CADM2: variants seen among roughly 807,000 people sequenced by gnomAD.
CADM2 encodes the protein cell adhesion molecule 2, also known as immunoglobulin superfamily member 4D.
In CADM2, 12 loss-of-function variants were observed where a neutral mutation model predicts 49.8. That is an observed-to-expected ratio of 0.24 (90% CI 0.15 to 0.39). The LOEUF (loss-of-function observed/expected upper bound fraction) is 0.39. Among genes scored for constraint, CADM2 ranks in the 10% least tolerant of loss-of-function variants. The probability of loss-of-function intolerance (pLI) is 1.00; values close to 1 mark genes in which losing one functional copy is unlikely to be tolerated. For synonymous variants in CADM2, 214 were observed against 175.4 expected (o/e 1.22, Z -1.74); for missense variants, 378 against 492.3 (o/e 0.77, Z 2.20).
chr3:85,492,605 A>G (rs1272861297), intron 1 of CADM2, among the ~76,000 whole-genome samples: 1 of 152,172 alleles, frequency 6.6e-6, no homozygotes, highest in African/African-American at 2.4e-5. Context: ...ATGAATAAAT[A>G]AAAATAAAAG....
intron 1 of CADM2, among the ~76,000 whole-genome samples, chr3:85,073,118 CAGAT>C (rs1171662554): frequency 6.6e-6 from 1 of 152,062 alleles, no homozygotes; most frequent in East Asian, 1.9e-4. Flanking sequence ...ACTTCTCTGA[CAGAT>C]GGATTGCAAA....
intron 6 of CADM2, among the ~76,000 whole-genome samples, chr3:85,921,642 C>T (rs1484043913): frequency 1.3e-5 from 2 of 151,980 alleles, no homozygotes; most frequent in African/African-American, 4.8e-5. Flanking sequence ...AACTGAAGAA[C>T]TAATATTGAT....
chr3:85,408,342 A>T (rs1451249300), intron 1 of CADM2, among the ~76,000 whole-genome samples: 1 of 152,220 alleles, frequency 6.6e-6, no homozygotes, highest in Admixed American at 6.5e-5. Context: ...ATGCATAGGA[A>T]CTTCAACATA....
intron 1 of CADM2, among the ~76,000 whole-genome samples, chr3:85,361,811 C>CA (rs2032379911): frequency 6.6e-6 from 1 of 152,134 alleles, no homozygotes; most frequent in African/African-American, 2.4e-5. Context: ...GTAAGTGGAA[C>CA]AAAGGGATAT....
At chr3:85,639,214 T>G (rs2107546045) in intron 1 of CADM2, among the ~76,000 whole-genome samples, 1 of 152,318 alleles carries the variant, frequency 6.6e-6, no homozygotes, top group South Asian at 2.1e-4. Context: ...TTCTTTTAGT[T>G]TTTCATCTTT....
intron 1 of CADM2, among the ~76,000 whole-genome samples, chr3:85,414,995 A>C (rs2035849232): frequency 6.6e-6 from 1 of 152,190 alleles, no homozygotes; most frequent in Non-Finnish European, 1.5e-5. Context: ...GCAAAATGGA[A>C]AGAAACTTTT....
At chr3:85,998,775 A>G (rs1729751808) in intron 8 of CADM2, among the ~76,000 whole-genome samples, 1 of 152,156 alleles carries the variant, frequency 6.6e-6, no homozygotes. Context: ...ACAAGAAGCC[A>G]TTGGAGAAAT....
intron 3 of CADM2, among the ~76,000 whole-genome samples, chr3:85,844,570 C>A (rs906071597): frequency 8.5e-5 from 13 of 152,216 alleles, no homozygotes; most frequent in Admixed American, 7.2e-4. Flanking sequence ...AAGTGCAACA[C>A]TTTCTGAAGT....
intron 1 of CADM2, among the ~76,000 whole-genome samples, chr3:85,526,064 T>C (rs2061152529): frequency 6.6e-6 from 1 of 152,176 alleles, no homozygotes; most frequent in Non-Finnish European, 1.5e-5. Context: ...TTCTAAGAAC[T>C]GTAGCCACCT....
chr3:85,335,564 T>G (rs900036364), intron 1 of CADM2, among the ~76,000 whole-genome samples: 1 of 151,610 alleles, frequency 6.6e-6, no homozygotes, highest in South Asian at 2.1e-4. Flanking sequence ...CACTTTTTTT[T>G]TTGTTGAGGA....
chr3:85,628,582 C>T (rs1283121621), intron 1 of CADM2, among the ~76,000 whole-genome samples: 2 of 137,972 alleles, frequency 1.4e-5, no homozygotes, highest in Non-Finnish European at 3.1e-5. Context: ...TATACACACA[C>T]ATATATATAC....
intron 1 of CADM2, among the ~76,000 whole-genome samples, chr3:85,089,549 C>T (rs1009120298): frequency 2.6e-5 from 4 of 152,128 alleles, no homozygotes; most frequent in Non-Finnish European, 5.9e-5. Flanking sequence ...TTTCAATAAA[C>T]GTAATTAAAT....
chr3:85,435,171 C>T (rs959452448), intron 1 of CADM2, among the ~76,000 whole-genome samples: 2 of 152,054 alleles, frequency 1.3e-5, no homozygotes, highest in Non-Finnish European at 2.9e-5. Flanking sequence ...CCTCCCCTAC[C>T]CACACAACCC....
Position 85,807,872 on chromosome 3 carries a change from T to A in CADM2, c.238+5676T>A, listed in dbSNP as rs572829669. On this transcript the variant is annotated intron_variant, in intron 3 of 9. Coordinates refer to ENST00000383699, the MANE Select transcript of CADM2 (RefSeq NM_001167675.2). ...CCTTAGGCTATCATAAAAACATGCA[T>A]CAAATATTCAATAAATGATTTTTTT... Among the ~76,000 whole-genome samples the A allele has an allele frequency of 1.1e-4, 17 of 152,258 alleles. No homozygotes were observed. In the South Asian group the frequency reaches 3.5e-3, roughly 32 times the overall value.
rs191859726 is a variant in CADM2, at chr3:85,511,771, T to A, written c.62-214751T>A. On this transcript the variant is annotated intron_variant, in intron 1 of 9. Transcript: ENST00000383699. ...GTTGGAATGAGAATTGTGACTGTAA[T>A]CCACCATCTCTCATTTTGTCCACTG... 21 of 423,168 alleles carry A rather than the reference T, an allele frequency of 5.0e-5. No homozygotes were observed. The East Asian group carries it at 1.9e-3, about 38-fold the overall frequency. The allele number at this position is 423,168 out of a possible 1,614,324, so 26.2% of individuals were successfully genotyped here.
intron 8 of CADM2, among the ~76,000 whole-genome samples, chr3:86,045,610 CATCT>C (rs1736568985): frequency 6.6e-6 from 1 of 152,142 alleles, no homozygotes; most frequent in Admixed American, 6.6e-5. Flanking sequence ...TGTTTCCACC[CATCT>C]ATCAGAAAAT....
chr3:85,569,191 A>G (rs2062404316), intron 1 of CADM2, among the ~76,000 whole-genome samples: 1 of 152,176 alleles, frequency 6.6e-6, no homozygotes, highest in South Asian at 2.1e-4. Flanking sequence ...TGTATAAATG[A>G]AATCACACTG....
intron 1 of CADM2, among the ~76,000 whole-genome samples, chr3:85,186,851 G>C (rs2041077639): frequency 6.6e-6 from 1 of 152,052 alleles, no homozygotes; most frequent in African/African-American, 2.4e-5. Flanking sequence ...AAAAAGAACA[G>C]GTAATTTCTG....
At chr3:86,029,140 T>A (rs879441733) in intron 8 of CADM2, among the ~76,000 whole-genome samples, 4 of 152,160 alleles carry the variant, frequency 2.6e-5, no homozygotes, top group Non-Finnish European at 5.9e-5. Flanking sequence ...ATTCTTGTGA[T>A]GGGCCTTAAA....
Sources: allele counts gnomAD v4.1 joint callset (sites outside exome capture counted in the v4.1 genomes callset), GRCh38; gene constraint gnomAD v4.1.1; transcripts MANE v1.5; gene names NCBI Gene and HGNC (gene_info 2026-07-23, HGNC 2026-07-21).